The following SYNE2 variants were observed in gnomAD, a reference collection of about 807,000 sequenced individuals.
SYNE2 encodes nesprin-2.
A neutral mutation model predicts 856.3 loss-of-function variants in SYNE2; 431 were observed. The observed-to-expected ratio is 0.50, with a 90% confidence interval of 0.47 to 0.55. The LOEUF (loss-of-function observed/expected upper bound fraction) is 0.55. SYNE2 is among the 20% of genes least tolerant of loss of function. SYNE2 has a pLI of 0.00. For missense variants in SYNE2, 8,129 were observed against 8,023.2 expected (o/e 1.01, Z -0.50); for synonymous variants, 2,923 against 2,872.3 (o/e 1.02, Z -0.56).
intron 2 of SYNE2, among the ~76,000 whole-genome samples, chr14:63,909,917 T>C (rs184623628): frequency 6.6e-6 from 1 of 152,356 alleles, no homozygotes; most frequent in East Asian, 1.9e-4. Flanking sequence ...ATGAATGACC[T>C]TTCAGTCATG....
chr14:63,771,582 G>A, intron 1 of SYNE2, among the ~76,000 whole-genome samples: 1 of 152,122 alleles, frequency 6.6e-6, no homozygotes, highest in East Asian at 1.9e-4. Context: ...GTCATAGAAG[G>A]ATAAAACTGT....
rs1231489198 is a variant in SYNE2, at chr14:63,998,921, A to G, written c.3361A>G (p.Thr1121Ala). ...GCATTTCATTTTGCCCAGGTATGAT[A>G]CATACAGAGATATTCTTGAACACCA... ...SINSLLERYD[T>A]YRDILEHHLQ... The change falls in exon 27 of 116, where the codon ACA becomes GCA. Residue 1121 changes from threonine to alanine, a missense_variant. Thr to Ala is a moderately conservative substitution (Grantham distance 58). Around this residue, in one of 3 missense-constraint regions of SYNE2, gnomAD observed 2,422 missense variants for 2,357.4 expected, o/e 1.03. Transcript: ENST00000555002. 1.9e-6 allele frequency: 3 copies of G among 1,613,946 alleles called. No individual in the cohort carries two copies. The African/African-American group carries it at 4.0e-5, about 22-fold the overall frequency.
At chr14:63,957,967 G>A (rs984553928) in intron 8 of SYNE2, among the ~76,000 whole-genome samples, 7 of 152,018 alleles carry the variant, frequency 4.6e-5, no homozygotes, top group African/African-American at 7.2e-5. Context: ...GCTCGAACCC[G>A]GGAGGTGGAG....
At chr14:63,955,279 T>C (rs912695860) in intron 8 of SYNE2, among the ~76,000 whole-genome samples, 3 of 152,142 alleles carry the variant, frequency 2.0e-5, no homozygotes, top group Non-Finnish European at 4.4e-5. Flanking sequence ...TGTCTCTCCT[T>C]CCTCCCTCCC....
intron 1 of SYNE2, among the ~76,000 whole-genome samples, chr14:63,790,228 A>C (rs1887685508): frequency 6.6e-6 from 1 of 151,996 alleles, no homozygotes; most frequent in Admixed American, 6.6e-5. Flanking sequence ...GCTACTCAGG[A>C]GGTTCAGGTG....
chr14:63,848,267 C>T (rs1430391276), upstream of SYNE2: 1 of 152,158 alleles, frequency 6.6e-6, no homozygotes, highest in Non-Finnish European at 1.5e-5. Context: ...TTTTTAAAGG[C>T]TTATCAAGTG....
At chr14:63,927,612 C>T (rs919041282) in intron 2 of SYNE2, among the ~76,000 whole-genome samples, 10 of 151,822 alleles carry the variant, frequency 6.6e-5, no homozygotes, top group African/African-American at 9.7e-5. Context: ...ACATGCCTTT[C>T]GGCCGGCGCT....
In SYNE2 at chr14:64,025,038, C is replaced by A; in HGVS notation, c.5960+7C>A. On this transcript the variant is annotated splice_region_variant and intron_variant, in intron 40 of 115. Transcript: ENST00000555002. ...AAGCTTTAGCTAGAAAGAGGTATAG[C>A]TGATCTTGTATGAAATACATTACCT... is the stretch of plus-strand genomic sequence containing the variant. The A allele has an allele frequency of 6.2e-7, 1 of 1,613,998 alleles. No individual in the cohort carries two copies. The highest frequency in any genetic ancestry group is 8.5e-7 in the Non-Finnish European group (1 of 1,179,944).
At chr14:64,073,220 C>T (rs2097426926) in intron 52 of SYNE2, among the ~76,000 whole-genome samples, 1 of 152,098 alleles carries the variant, frequency 6.6e-6, no homozygotes, top group African/African-American at 2.4e-5. Flanking sequence ...ACTGAAAGTT[C>T]CAACCTTTTA....
At chr14:63,820,401 A>G (rs1566588666) in intron 1 of SYNE2, among the ~76,000 whole-genome samples, 1 of 152,242 alleles carries the variant, frequency 6.6e-6, no homozygotes, top group African/African-American at 2.4e-5. Context: ...TACAAACATT[A>G]ATTAAGAATG....
intron 1 of SYNE2, among the ~76,000 whole-genome samples, chr14:63,907,900 TAAAC>T (rs2095427429): frequency 6.6e-6 from 1 of 152,206 alleles, no homozygotes; most frequent in Non-Finnish European, 1.5e-5. Context: ...ATTTGGAGGA[TAAAC>T]AAATTAATCA....
chr14:63,824,544 C>T (rs549256312), intron 1 of SYNE2, among the ~76,000 whole-genome samples: 3 of 151,016 alleles, frequency 2.0e-5, no homozygotes, highest in African/African-American at 4.9e-5. Flanking sequence ...GAGGCTGAGG[C>T]AGGAGAATTG....
intron 1 of SYNE2, among the ~76,000 whole-genome samples, chr14:63,836,859 A>G (rs1889874397): frequency 6.6e-6 from 1 of 152,232 alleles, no homozygotes; most frequent in Admixed American, 6.5e-5. Flanking sequence ...CTCATCTCAC[A>G]GAGAACAAAA....
intron 96 of SYNE2, among the ~76,000 whole-genome samples, chr14:64,180,006 A>AT (rs1406561497): frequency 3.2e-4 from 48 of 152,258 alleles, no homozygotes; most frequent in African/African-American, 1.1e-3. Context: ...TTAGTTTTTG[A>AT]TTTTCACATT....
chr14:64,164,888 T>C (rs1186309344), intron 89 of SYNE2, among the ~76,000 whole-genome samples: 1 of 152,018 alleles, frequency 6.6e-6, no homozygotes, highest in African/African-American at 2.4e-5. Context: ...GTTTGTTTGT[T>C]TGTTTGTTTG....
At chr14:64,056,702 C>T (rs1478100101) in intron 49 of SYNE2, among the ~76,000 whole-genome samples, 1 of 149,186 alleles carries the variant, frequency 6.7e-6, no homozygotes, top group African/African-American at 2.5e-5. Flanking sequence ...CAAAGTTTCG[C>T]TTTTGTTGCC....
At chr14:64,141,781 G>A (rs1380124349) in intron 81 of SYNE2, among the ~76,000 whole-genome samples, 161 bp from the exon 82 acceptor site, 1 of 151,572 alleles carries the variant, frequency 6.6e-6, no homozygotes, top group Non-Finnish European at 1.5e-5. Flanking sequence ...TTGTTTTGGG[G>A]TCGCTTATTC....
At chr14:63,778,108 G>A (rs1343992174) in intron 1 of SYNE2, among the ~76,000 whole-genome samples, 1 of 152,186 alleles carries the variant, frequency 6.6e-6, no homozygotes, top group Non-Finnish European at 1.5e-5. Flanking sequence ...GTTGAGGGAG[G>A]AGGCTGGTGG....
Position 64,119,442 on chromosome 14 carries a change from A to C in SYNE2, c.12856A>C (p.Ile4286Leu), listed in dbSNP as rs763081757. 1.6e-5 allele frequency: 26 copies of C among 1,614,088 alleles called. No individual in the cohort carries two copies. The highest frequency in any genetic ancestry group is 2.1e-5 in the Non-Finnish European group (25 of 1,180,030). The change falls in exon 67 of 116, where the codon ATT (isoleucine) becomes CTT (leucine). Residue 4286 changes from isoleucine to leucine, a missense_variant. By Grantham distance (5) the Ile-to-Leu change is conservative (BLOSUM62 2). Around this residue, in one of 3 missense-constraint regions of SYNE2, gnomAD observed 5,410 missense variants for 5,284.8 expected, o/e 1.02. Coordinates refer to ENST00000555002, the MANE Select transcript of SYNE2 (RefSeq NM_182914.3). Reference protein sequence around the residue: ...LVGCQAMLTEIEHKVAFLLET... With the variant: ...LVGCQAMLTELEHKVAFLLET... ...TATTTCCTAGGCTATGCTAACAGAG[A>C]TTGAGCACAAGGTTGCCTTTCTGTT...
Sources: allele counts gnomAD v4.1 joint callset (sites outside exome capture counted in the v4.1 genomes callset), GRCh38; gene constraint gnomAD v4.1.1; regional missense constraint gnomAD v4.1.1; transcripts MANE v1.5; gene names NCBI Gene and HGNC (gene_info 2026-07-23, HGNC 2026-07-21).